The following MBTD1 variants were observed in gnomAD, a reference collection of about 807,000 sequenced individuals.
The protein encoded by MBTD1 is mbt domain containing 1.
A neutral mutation model predicts 87.8 loss-of-function variants in MBTD1; 24 were observed. That is an observed-to-expected ratio of 0.27 (90% CI 0.20 to 0.38). The LOEUF (loss-of-function observed/expected upper bound fraction) is 0.38, where lower values mean the gene tolerates loss of function less well. MBTD1 is among the 10% of genes least tolerant of loss of function. The pLI is 1.00. For synonymous variants in MBTD1, 237 were observed against 248.6 expected, an observed-to-expected ratio of 0.95 and a Z score of 0.44; for missense variants, 436 against 760.2, an observed-to-expected ratio of 0.57 and a Z score of 5.02.
chr17:51,209,588 C>A (rs2052051017), intron 6 of MBTD1, among the ~76,000 whole-genome samples: 1 of 152,182 alleles, frequency 6.6e-6, no homozygotes. Context: ...CCAGATGGTC[C>A]AACAGCTCAG....
chr17:51,181,141 A>C (rs12450933), intron 16 of MBTD1, among the ~76,000 whole-genome samples: 25,625 of 149,878 alleles, frequency 0.17, 2,378 homozygotes, highest in Admixed American at 0.25. Context: ...CTGCCTCAGC[A>C]CCGCCCCCCC....
At chr17:51,207,337 G>C (rs1429153144) in intron 6 of MBTD1, among the ~76,000 whole-genome samples, 1 of 152,180 alleles carries the variant, frequency 6.6e-6, no homozygotes, top group Non-Finnish European at 1.5e-5. Flanking sequence ...TTTTTAATAT[G>C]TACTGAGTGA....
chr17:51,260,954 G>A (rs2055448188), upstream of MBTD1: 2 of 1,467,400 alleles, frequency 1.4e-6, no homozygotes, highest in Middle Eastern at 2.3e-4. Flanking sequence ...GCGCGGGCTG[G>A]GCGCACTCGG....
At chr17:51,259,269 T>G (rs1465170417) in intron 1 of MBTD1, 63 bp from the exon 2 acceptor site, 1 of 1,231,582 alleles carries the variant, frequency 8.1e-7, no homozygotes, top group East Asian at 3.2e-5. Context: ...TCCACCGACT[T>G]GAAACCCTTT....
chr17:51,255,926 T>C (rs539923320), intron 2 of MBTD1, among the ~76,000 whole-genome samples: 55 of 152,272 alleles, frequency 3.6e-4, no homozygotes, highest in Middle Eastern at 3.4e-3. Flanking sequence ...TTGAACGATA[T>C]ATACAAATCA....
chr17:51,194,566 C>CAAAAAAAAAAAAA lies in MBTD1; in HGVS notation c.1372+635_1372+647dup, dbSNP rs71355733. 2.6e-3 allele frequency among the ~76,000 whole-genome samples: 51 copies of CAAAAAAAAAAAAA among 19,734 alleles called. 9 individuals carry two copies. Among genetic ancestry groups the CAAAAAAAAAAAAA allele is most frequent in the African/African-American group, 8.9e-3 (34 of 3,804 alleles). 12.9% of individuals were successfully genotyped at this position (19,734 alleles called of 152,430 possible). A position where few individuals can be genotyped will look rare whatever the true frequency, so the allele number is the denominator to read the frequency against. On this transcript the variant is annotated intron_variant, in intron 13 of 16. Coordinates refer to ENST00000586178, the MANE Select transcript of MBTD1 (RefSeq NM_017643.3). ...CCTGGGTGACAGAGCGAGACTGTCTCAAAAAAAAAAAAAAAAAAAAAAAAA... is the reference window on the plus strand; with the variant it reads ...CCTGGGTGACAGAGCGAGACTGTCTCAAAAAAAAAAAAAAAAAAAAAAAAAAAAAAAAAAAAAA...
At chr17:51,211,120 G>C (rs1242035262) in intron 6 of MBTD1, among the ~76,000 whole-genome samples, 1 of 136,048 alleles carries the variant, frequency 7.4e-6, no homozygotes, top group Non-Finnish European at 1.5e-5. Context: ...CTGGGTGACA[G>C]AGCAAGACTA....
chr17:51,195,540 T>A (rs1412283409), intron 12 of MBTD1, among the ~76,000 whole-genome samples, 179 bp from the exon 13 acceptor site: 1 of 152,182 alleles, frequency 6.6e-6, no homozygotes, highest in African/African-American at 2.4e-5. Context: ...TCTATGTAAA[T>A]TCTAGTGTGT....
In MBTD1 at chr17:51,259,881, C is replaced by T. The variant is rs2055368026; in HGVS notation, c.-159G>A. ...CAGGGCCTCATGGGTAGGGGTTGTC[C>T]GTGCTCCCCGAGCCCGCGGCGCCCC... On this transcript the variant is annotated 5_prime_UTR_variant, in exon 1 of 17. Transcript: ENST00000586178. 8.9e-6 allele frequency: 11 copies of T among 1,231,766 alleles called. No individual in the cohort carries two copies. The highest frequency in any genetic ancestry group is 3.2e-5 in the East Asian group (1 of 31,652). The allele number at this position is 1,231,766 out of a possible 1,614,324, so 76.3% of individuals were successfully genotyped here.
At chr17:51,231,913 T>C (rs1028170230) in intron 2 of MBTD1, among the ~76,000 whole-genome samples, 1 of 152,116 alleles carries the variant, frequency 6.6e-6, no homozygotes, top group Non-Finnish European at 1.5e-5. Flanking sequence ...TAAATATTAA[T>C]ATATAAACTA....
In MBTD1 at chr17:51,193,521, C is replaced by A. The variant is rs2050911665; in HGVS notation, c.1373-11G>T. 1 of 1,529,278 alleles carries A rather than the reference C, an allele frequency of 6.5e-7. No homozygotes were observed. Among genetic ancestry groups the A allele is most frequent in the Non-Finnish European group, 9.0e-7 (1 of 1,106,428 alleles). The allele number at this position is 1,529,278 out of a possible 1,614,324, so 94.7% of individuals were successfully genotyped here. On this transcript the variant is annotated splice_polypyrimidine_tract_variant and intron_variant, in intron 13 of 16. Transcript: ENST00000586178. ...GAAGTTTTGTGTAACCTAAAAAACA[C>A]AACTGGTTTAACTAGCAGTTCATTT...
Position 51,179,502 on chromosome 17 carries a change from A to ATATATATATT in MBTD1, c.*1073_*1074insAATATATATA, listed in dbSNP as rs1568135840. 2 of 68,094 alleles carry ATATATATATT rather than the reference A, an allele frequency of 2.9e-5. No homozygotes were observed. Among genetic ancestry groups the ATATATATATT allele is most frequent in the South Asian group, 8.4e-4 (2 of 2,378 alleles). 4.2% of individuals were successfully genotyped at this position (68,094 alleles called of 1,614,324 possible). On this transcript the variant is annotated 3_prime_UTR_variant, in exon 17 of 17. Coordinates refer to ENST00000586178, the MANE Select transcript of MBTD1 (RefSeq NM_017643.3). ...GACAATTTTATATATATATATATATATATATATATATATATATATATATAT... is the reference window on the plus strand; with the variant it reads ...GACAATTTTATATATATATATATATATATATATATTTATATATATATATATATATATATAT...
At chr17:51,207,515 G>A (rs1598335037) in intron 6 of MBTD1, among the ~76,000 whole-genome samples, 1 of 152,120 alleles carries the variant, frequency 6.6e-6, no homozygotes, top group African/African-American at 2.4e-5. Context: ...ATGGACGTGA[G>A]GGAAAAGCAC....
chr17:51,198,447 A>G (rs947680294), intron 12 of MBTD1, among the ~76,000 whole-genome samples: 1 of 152,194 alleles, frequency 6.6e-6, no homozygotes, highest in South Asian at 2.1e-4. Flanking sequence ...GTAAACATGT[A>G]CACTAAATTT....
chr17:51,215,276 A>T (rs2052499823), intron 6 of MBTD1, among the ~76,000 whole-genome samples: 1 of 152,252 alleles, frequency 6.6e-6, no homozygotes, highest in African/African-American at 2.4e-5. Context: ...CAAAAAAGGC[A>T]GAATTGAACA....
chr17:51,241,559 T>C (rs903634356), intron 2 of MBTD1, among the ~76,000 whole-genome samples: 10 of 152,104 alleles, frequency 6.6e-5, no homozygotes, highest in African/African-American at 2.4e-4. Context: ...CATGGATTTC[T>C]ATTTTTCAAT....
intron 2 of MBTD1, among the ~76,000 whole-genome samples, chr17:51,247,437 AT>A (rs1472746553): frequency 1.6e-5 from 2 of 124,292 alleles, no homozygotes; most frequent in Non-Finnish European, 3.3e-5. Flanking sequence ...AGAAATCAGT[AT>A]TACTTTTTTT....
chr17:51,182,086 T>C (rs955306263), intron 16 of MBTD1, among the ~76,000 whole-genome samples: 2 of 151,362 alleles, frequency 1.3e-5, no homozygotes, highest in South Asian at 2.1e-4. Context: ...AAATCAGAAG[T>C]CAGAAACTGC....
At chr17:51,191,330 C>T (rs1328734056) in intron 16 of MBTD1, among the ~76,000 whole-genome samples, 9 of 149,290 alleles carry the variant, frequency 6.0e-5, no homozygotes, top group South Asian at 2.1e-4. Context: ...GGCACGATCT[C>T]GGCTCACCTC....
Sources: gnomAD v4.1 joint callset for allele counts (sites outside exome capture counted in the v4.1 genomes callset) on GRCh38, gnomAD v4.1.1 for gene constraint, MANE v1.5 for transcripts, NCBI Gene and HGNC (gene_info 2026-07-23, HGNC 2026-07-21) for gene names.